Variants in CYTH3 observed in about 807,000 individuals in gnomAD.
The protein encoded by CYTH3 is cytohesin 3.
CYTH3 carries 23 observed loss-of-function variants against 55.1 expected under a neutral mutation model. The ratio of observed to expected loss-of-function variants is 0.42; its 90% CI spans 0.30 to 0.59. The LOEUF is 0.59. Among genes scored for constraint, CYTH3 ranks in the 20% least tolerant of loss-of-function variants. CYTH3 has a pLI of 0.20. For missense variants in CYTH3, 413 were observed against 524.8 expected, an observed-to-expected ratio of 0.79 and a Z score of 2.08; for synonymous variants, 249 against 194.9, an observed-to-expected ratio of 1.28 and a Z score of -2.31.
intron 1 of CYTH3, among the ~76,000 whole-genome samples, chr7:6,205,094 G>A (rs1024617468): frequency 6.6e-6 from 1 of 152,084 alleles, no homozygotes; most frequent in Non-Finnish European, 1.5e-5. Context: ...GAGCCTGGAC[G>A]GCCAAGGCTG....
rs1783693167 is a variant in CYTH3 at position 6,187,836 on chromosome 7, C to T, written c.118-115G>A. On this transcript the variant is annotated intron_variant, in intron 2 of 12. Transcript: ENST00000350796. Reference sequence around the variant, plus strand: ...TCCCTGCGGTCTCACCGGAGCATCACAGGGATGGAAAAACCAATACTATTA... The same window carrying T: ...TCCCTGCGGTCTCACCGGAGCATCATAGGGATGGAAAAACCAATACTATTA... 38 of 841,954 alleles carry T rather than the reference C, an allele frequency of 4.5e-5. 1 individual carries two copies. In the South Asian group the frequency reaches 5.2e-4, roughly 11 times the overall value. 52.2% of individuals were successfully genotyped at this position (841,954 alleles called of 1,614,324 possible). A position where few individuals can be genotyped will look rare whatever the true frequency, so the allele number is the denominator to read the frequency against.
At chr7:6,173,552 G>C (rs1783256472) in intron 6 of CYTH3, 101 bp downstream of exon 6, 1 of 771,554 alleles carries the variant, frequency 1.3e-6, no homozygotes, top group South Asian at 1.4e-5. Context: ...AGACTCGTGT[G>C]GCACCAAGTT....
chr7:6,200,253 T>C (rs1332732741), intron 1 of CYTH3, among the ~76,000 whole-genome samples: 1 of 152,240 alleles, frequency 6.6e-6, no homozygotes, highest in Non-Finnish European at 1.5e-5. Context: ...TGCAGCTTTC[T>C]AGTTTACTGC....
At chr7:6,259,806 TA>T (rs1451734552) in intron 1 of CYTH3, among the ~76,000 whole-genome samples, 1 of 30,182 alleles carries the variant, frequency 3.3e-5, no homozygotes, top group South Asian at 9.6e-4. Flanking sequence ...TATATATATA[TA>T]TATATAATAT....
intron 1 of CYTH3, among the ~76,000 whole-genome samples, chr7:6,261,447 G>A (rs184874020): frequency 6.6e-6 from 1 of 152,242 alleles, no homozygotes; most frequent in East Asian, 1.9e-4. Context: ...AGGTGAGGTG[G>A]CTCAGGCCTG....
chr7:6,268,062 C>A (rs1780549200), intron 1 of CYTH3, among the ~76,000 whole-genome samples: 1 of 152,176 alleles, frequency 6.6e-6, no homozygotes, highest in African/African-American at 2.4e-5. Flanking sequence ...GTTATTGGTT[C>A]CTCCTTTCAC....
chr7:6,170,590 G>A lies in CYTH3; in HGVS notation c.768C>T (p.Asn256=), dbSNP rs1376020403. The stretch of plus-strand genomic sequence containing the variant: ...GGTTGAAGAAGGTGTGGGTCAGGTC[G>A]TTCCCGTCGTCCTCCGGGATCTTAA... The part of the protein sequence containing the change: ...EPFKIPEDDG[N]DLTHTFFNPD... Residue 256 remains asparagine (N), a synonymous_variant, in exon 9 of 13, where the codon AAC becomes AAT. Transcript: ENST00000350796. This position sits in a 1 kb window ranked among gnomAD's most constrained non-coding sequence, Gnocchi z 7.8. 5 of 1,614,000 alleles carry A rather than the reference G, an allele frequency of 3.1e-6. 1 individual carries two copies. The South Asian group carries it at 4.4e-5, about 14-fold the overall frequency.
intron 1 of CYTH3, among the ~76,000 whole-genome samples, chr7:6,197,289 T>G (rs1783958169): frequency 6.6e-6 from 1 of 152,184 alleles, no homozygotes; most frequent in Non-Finnish European, 1.5e-5. Flanking sequence ...GACAAAGACA[T>G]GGTGGCTGTG....
intron 1 of CYTH3, among the ~76,000 whole-genome samples, chr7:6,262,824 C>A (rs998584808): frequency 6.6e-6 from 1 of 152,192 alleles, no homozygotes; most frequent in Non-Finnish European, 1.5e-5. Context: ...GAGGCTGAGG[C>A]AGGAGGACTG....
At chr7:6,246,160 G>T (rs993764211) in intron 1 of CYTH3, among the ~76,000 whole-genome samples, 1 of 151,440 alleles carries the variant, frequency 6.6e-6, no homozygotes. Context: ...AGCTCACTGC[G>T]GCCTCAAACT....
intron 4 of CYTH3, among the ~76,000 whole-genome samples, chr7:6,184,340 G>A (rs1048227405): frequency 2.7e-5 from 4 of 150,610 alleles, no homozygotes; most frequent in African/African-American, 4.9e-5. Context: ...GATTACAGGC[G>A]TGAGCCACCG....
At chr7:6,219,249 G>T (rs60405118) in intron 1 of CYTH3, among the ~76,000 whole-genome samples, 2 of 152,176 alleles carry the variant, frequency 1.3e-5, no homozygotes, top group African/African-American at 4.8e-5. Flanking sequence ...AAAGCAGAAC[G>T]TGTAAGTGAT....
At chr7:6,231,509 C>T (rs1246494461) in intron 1 of CYTH3, among the ~76,000 whole-genome samples, 1 of 152,176 alleles carries the variant, frequency 6.6e-6, no homozygotes, top group African/African-American at 2.4e-5. Flanking sequence ...ATCTCCAGGA[C>T]TGCTTTACGT....
intron 1 of CYTH3, among the ~76,000 whole-genome samples, chr7:6,227,815 T>A (rs754516449): frequency 3.9e-5 from 6 of 152,212 alleles, no homozygotes; most frequent in Non-Finnish European, 7.3e-5. Flanking sequence ...CTGAACATGA[T>A]GGTTTCCCAA....
intron 1 of CYTH3, among the ~76,000 whole-genome samples, chr7:6,247,304 G>A (rs1236253558): frequency 6.6e-6 from 1 of 152,194 alleles, no homozygotes; most frequent in Non-Finnish European, 1.5e-5. Context: ...TTCGTTGTAA[G>A]TAACCCTCTC....
chr7:6,229,567 T>G (rs574385001), intron 1 of CYTH3, among the ~76,000 whole-genome samples: 2 of 150,542 alleles, frequency 1.3e-5, no homozygotes, highest in East Asian at 2.0e-4. Flanking sequence ...CCCAGCACTT[T>G]GGGAGGCCAA....
chr7:6,256,607 G>A (rs1333773880), intron 1 of CYTH3, among the ~76,000 whole-genome samples: 1 of 152,212 alleles, frequency 6.6e-6, no homozygotes, highest in Non-Finnish European at 1.5e-5. Flanking sequence ...GGAAAAAGTG[G>A]GGAGCGGTGG....
chr7:6,235,624 T>C (rs1478376880), intron 1 of CYTH3, among the ~76,000 whole-genome samples: 1 of 152,050 alleles, frequency 6.6e-6, no homozygotes, highest in African/African-American at 2.4e-5. Context: ...ACGGGTTCTT[T>C]CTTATACACG....
chr7:6,163,943 A>G lies in CYTH3; in HGVS notation c.*1001T>C, dbSNP rs1269195615. 6.6e-6 allele frequency: 1 copy of G among 152,224 alleles called. No homozygotes were observed. Among genetic ancestry groups the G allele is most frequent in the Non-Finnish European group, 1.5e-5 (1 of 68,036 alleles). The allele number at this position is 152,224 out of a possible 1,614,324, so 9.4% of individuals were successfully genotyped here. Reference sequence around the variant, plus strand: ...AACGCTGCCATGTGTGTGCATCTAAACAAAACATCAGCAGTTTCACGTGGC... The same window carrying G: ...AACGCTGCCATGTGTGTGCATCTAAGCAAAACATCAGCAGTTTCACGTGGC... On this transcript the variant is annotated 3_prime_UTR_variant, in exon 13 of 13. Coordinates refer to ENST00000350796, the MANE Select transcript of CYTH3 (RefSeq NM_004227.4).
Sources: allele counts gnomAD v4.1 joint callset (sites outside exome capture counted in the v4.1 genomes callset), GRCh38; gene constraint gnomAD v4.1.1; non-coding constraint Gnocchi (gnomAD v3.1); transcripts MANE v1.5; gene names NCBI Gene and HGNC (gene_info 2026-07-23, HGNC 2026-07-21).